Variants in PLEKHA7 observed in about 807,000 individuals in gnomAD.
The protein encoded by PLEKHA7 is pleckstrin homology domain-containing family A member 7.
In PLEKHA7, 104 loss-of-function variants were observed where a neutral mutation model predicts 170.0. That is an observed-to-expected ratio of 0.61 (90% confidence interval 0.52 to 0.72). The LOEUF (loss-of-function observed/expected upper bound fraction) is 0.72, where lower values mean the gene tolerates loss of function less well. PLEKHA7 is among the 30% of genes least tolerant of loss of function. The pLI is 0.00. For synonymous variants in PLEKHA7, 648 were observed against 660.8 expected (o/e 0.98, Z 0.30); for missense variants, 1,615 against 1,671.7 (o/e 0.97, Z 0.59).
intron 3 of PLEKHA7, among the ~76,000 whole-genome samples, chr11:16,969,244 A>G (rs75537471): frequency 0.017 from 2,646 of 152,276 alleles, 70 homozygotes; most frequent in African/African-American, 0.058. Flanking sequence ...AGGAAGCCAG[A>G]TGACAGAATT....
chr11:17,013,738 G>A (rs1865468506), intron 3 of PLEKHA7, among the ~76,000 whole-genome samples: 1 of 152,320 alleles, frequency 6.6e-6, no homozygotes, highest in East Asian at 1.9e-4. Context: ...GGATTGCAAG[G>A]TCCAGGGCGC....
chr11:16,897,127 G>A (rs1857042564), intron 3 of PLEKHA7, among the ~76,000 whole-genome samples: 1 of 152,158 alleles, frequency 6.6e-6, no homozygotes, highest in Non-Finnish European at 1.5e-5. Context: ...AGGTAGTACT[G>A]ACACTATTAC....
rs11024068 is a variant in PLEKHA7, at chr11:16,880,957, T to C, written c.222-9775A>G. On this transcript the variant is annotated intron_variant, in intron 3 of 26. Transcript: ENST00000531066. Reference sequence around the variant, plus strand: ...TCATCCACAGAGCTACAGACTGAAATGTAACAACACTACACACAACTGCAA... The same window carrying C: ...TCATCCACAGAGCTACAGACTGAAACGTAACAACACTACACACAACTGCAA... 5.1e-4 allele frequency among the ~76,000 whole-genome samples: 77 copies of C among 149,752 alleles called. 1 individual carries two copies. The East Asian group carries it at 0.013, about 26-fold the overall frequency.
At chr11:16,779,779 A>G (rs916645481) in intron 26 of PLEKHA7, among the ~76,000 whole-genome samples, 2 of 151,642 alleles carry the variant, frequency 1.3e-5, no homozygotes, top group Non-Finnish European at 2.9e-5. Flanking sequence ...CAGCACAAAT[A>G]CTCTCTCCCT....
chr11:17,007,405 C>T (rs1280489220), intron 3 of PLEKHA7, among the ~76,000 whole-genome samples: 1 of 152,082 alleles, frequency 6.6e-6, no homozygotes, highest in African/African-American at 2.4e-5. Context: ...TCACCGCAAC[C>T]TTCACCTCCT....
rs1367065462 is a variant in PLEKHA7 at position 16,946,571 on chromosome 11, T to C, written c.221+67418A>G. 3.9e-5 allele frequency among the ~76,000 whole-genome samples: 6 copies of C among 152,292 alleles called. No individual in the cohort carries two copies. In the East Asian group the frequency reaches 1.2e-3, roughly 29 times the overall value. ...TCACTTTAAGTGTTTCCCAAGAGGT[T>C]TGCAAAATCAGTATGCACAGAGGAT... On this transcript the variant is annotated intron_variant, in intron 3 of 26. Transcript: ENST00000531066.
intron 3 of PLEKHA7, among the ~76,000 whole-genome samples, chr11:16,990,286 A>AAAAAAAAAAAAACC (rs1863961716): frequency 9.2e-6 from 1 of 108,218 alleles, no homozygotes; most frequent in Non-Finnish European, 1.9e-5. Context: ...AAAAAAAAAA[A>AAAAAAAAAAAAACC]AAAAAAAAAA....
intron 3 of PLEKHA7, among the ~76,000 whole-genome samples, chr11:16,906,282 A>G (rs12272504): frequency 2.8e-3 from 207 of 73,664 alleles, no homozygotes; most frequent in African/African-American, 0.011. Context: ...AAGGAAGGAA[A>G]GAAAGAAAAT....
chr11:16,839,931 T>C (rs1303763880), intron 9 of PLEKHA7, among the ~76,000 whole-genome samples: 1 of 152,148 alleles, frequency 6.6e-6, no homozygotes, highest in Non-Finnish European at 1.5e-5. Context: ...CTAGACTGTG[T>C]TGGGGAGAAA....
intron 3 of PLEKHA7, among the ~76,000 whole-genome samples, chr11:16,923,472 A>G (rs1383710644): frequency 6.6e-6 from 1 of 152,186 alleles, no homozygotes; most frequent in Non-Finnish European, 1.5e-5. Flanking sequence ...CAGAGTCAAC[A>G]GCCTCTTTAA....
intron 3 of PLEKHA7, among the ~76,000 whole-genome samples, chr11:16,932,278 CTT>C (rs11372688): frequency 7.2e-6 from 1 of 139,494 alleles, no homozygotes; most frequent in Non-Finnish European, 1.5e-5. Flanking sequence ...TTATTCATTC[CTT>C]TTTTTTTTTT....
chr11:16,807,846 A>C (rs888530760), intron 13 of PLEKHA7, among the ~76,000 whole-genome samples: 9 of 152,186 alleles, frequency 5.9e-5, no homozygotes, highest in Admixed American at 4.6e-4. Flanking sequence ...GTTCCACCCC[A>C]AGTGATTCTG....
chr11:16,893,277 T>C (rs1472334432), intron 3 of PLEKHA7, among the ~76,000 whole-genome samples: 1 of 152,248 alleles, frequency 6.6e-6, no homozygotes, highest in African/African-American at 2.4e-5. Flanking sequence ...ACTGTTCTCC[T>C]GCATCACGGT....
intron 8 of PLEKHA7, among the ~76,000 whole-genome samples, chr11:16,844,148 A>G (rs1355139967): frequency 2.0e-5 from 3 of 152,172 alleles, no homozygotes; most frequent in African/African-American, 7.2e-5. Flanking sequence ...CCAAGGTACA[A>G]TAAAGACAAC....
intron 3 of PLEKHA7, among the ~76,000 whole-genome samples, chr11:16,998,282 C>T (rs546221002): frequency 8.7e-4 from 133 of 152,154 alleles, no homozygotes; most frequent in African/African-American, 3.0e-3. Context: ...CTGAGCAAAA[C>T]CCAACACGAA....
At chr11:16,867,441 G>A (rs148047145) in intron 4 of PLEKHA7, among the ~76,000 whole-genome samples, 2 of 152,162 alleles carry the variant, frequency 1.3e-5, no homozygotes, top group Non-Finnish European at 2.9e-5. Flanking sequence ...CTTGGCCTCA[G>A]TGGATTCTCT....
chr11:16,947,462 G>T (rs1181559663), intron 3 of PLEKHA7, among the ~76,000 whole-genome samples: 2 of 151,898 alleles, frequency 1.3e-5, no homozygotes, highest in Non-Finnish European at 2.9e-5. Flanking sequence ...ATGGTGAGAG[G>T]CACCTGTAAT....
intron 19 of PLEKHA7, among the ~76,000 whole-genome samples, chr11:16,793,289 CTGTT>C (rs1400193519): frequency 5.3e-5 from 8 of 152,242 alleles, no homozygotes; most frequent in South Asian, 2.1e-4. Flanking sequence ...GACATTCCTG[CTGTT>C]TGTTTTGGAA....
At chr11:16,798,177 G>A (rs1270715339) in intron 17 of PLEKHA7, among the ~76,000 whole-genome samples, 1 of 152,206 alleles carries the variant, frequency 6.6e-6, no homozygotes, top group East Asian at 1.9e-4. Context: ...TCTGCACATG[G>A]GGCTGCAAGT....
Sources: allele counts gnomAD v4.1 joint callset (sites outside exome capture counted in the v4.1 genomes callset), GRCh38; gene constraint gnomAD v4.1.1; transcripts MANE v1.5; gene names NCBI Gene and HGNC (gene_info 2026-07-23, HGNC 2026-07-21).